Variants in HDAC5 observed in about 807,000 individuals in gnomAD.
HDAC5 encodes the protein antigen NY-CO-9.
In HDAC5, 25 loss-of-function variants were observed where a neutral mutation model predicts 133.3. The ratio of observed to expected loss-of-function variants is 0.19; its 90% confidence interval spans 0.14 to 0.26. The LOEUF (loss-of-function observed/expected upper bound fraction) is 0.26, where lower values mean the gene tolerates loss of function less well. Among genes scored for constraint, HDAC5 ranks in the 10% least tolerant of loss-of-function variants. The pLI is 1.00. For missense variants in HDAC5, 1,041 were observed against 1,460.5 expected (o/e 0.71, Z 4.68); for synonymous variants, 589 against 610.8 (o/e 0.96, Z 0.53).
intron 13 of HDAC5, 27 bp from the exon 14 acceptor site, chr17:44,086,764 G>A: frequency 7.8e-7 from 1 of 1,282,990 alleles, no homozygotes; most frequent in South Asian, 3.7e-5. Flanking sequence ...GAGGGGGCCT[G>A]GGTCAGACTC....
intron 1 of HDAC5, among the ~76,000 whole-genome samples, chr17:44,118,571 G>A (rs986832911): frequency 2.0e-5 from 3 of 152,140 alleles, no homozygotes; most frequent in Non-Finnish European, 2.9e-5. Flanking sequence ...ACAGGACCAC[G>A]GCTTTGCCAA....
chr17:44,099,350 T>C (rs911282078), intron 3 of HDAC5, among the ~76,000 whole-genome samples: 1 of 151,928 alleles, frequency 6.6e-6, no homozygotes, highest in African/African-American at 2.4e-5. Context: ...CTCCTGGGAG[T>C]GGTGGCCTCA....
At position 44,091,799 on chromosome 17, in the gene HDAC5, G is replaced by A; in HGVS notation, c.1065C>T (p.Asp355=). 3 of 1,594,682 alleles carry A rather than the reference G, an allele frequency of 1.9e-6. No homozygotes were observed. The highest frequency in any genetic ancestry group is 2.6e-6 in the Non-Finnish European group (3 of 1,170,652). ...MLPQHRALPL[D]SSPNQFSLYT... is the part of the protein sequence containing the mutation. Reference sequence around the variant, plus strand: ...AGAGGCTGAACTGGTTGGGGGAGCTGTCCAGAGGGAGGGCTCGGTGCTGAG... The same window carrying A: ...AGAGGCTGAACTGGTTGGGGGAGCTATCCAGAGGGAGGGCTCGGTGCTGAG... The change falls in exon 10 of 27, where the codon GAC becomes GAT. Residue 355 remains aspartate, a synonymous_variant. Coordinates refer to ENST00000682912, the MANE Select transcript of HDAC5 (RefSeq NM_005474.5).
intron 7 of HDAC5, 50 bp from the exon 8 acceptor site, chr17:44,092,577 T>C: frequency 6.3e-7 from 1 of 1,582,860 alleles, no homozygotes; most frequent in Non-Finnish European, 8.6e-7. Context: ...AGCACACATC[T>C]GCAGCTGAGC....
At chr17:44,108,519 T>C (rs2052113272) in intron 3 of HDAC5, among the ~76,000 whole-genome samples, 1 of 151,902 alleles carries the variant, frequency 6.6e-6, no homozygotes, top group South Asian at 2.1e-4. Context: ...CCCCTTGGGC[T>C]TGGGAGACCT....
intron 9 of HDAC5, 141 bp from the exon 10 acceptor site, chr17:44,091,972 A>G: frequency 4.6e-6 from 5 of 1,081,378 alleles, no homozygotes; most frequent in Non-Finnish European, 6.6e-6. Context: ...AGACTGAGCC[A>G]TCAGGGCTCT....
intron 2 of HDAC5, among the ~76,000 whole-genome samples, chr17:44,112,694 G>C (rs1172538803): frequency 3.3e-5 from 5 of 152,146 alleles, no homozygotes; most frequent in African/African-American, 4.8e-5. Context: ...GGGGTCTCCT[G>C]CCCTCAGGCT....
At chr17:44,099,471 C>T (rs982549197) in intron 3 of HDAC5, among the ~76,000 whole-genome samples, 7 of 151,108 alleles carry the variant, frequency 4.6e-5, no homozygotes, top group Non-Finnish European at 5.9e-5. Context: ...GTGTGTGTTT[C>T]GTTTTTTCTT....
chr17:44,081,297 T>TAGAGTGC (rs2050377418), intron 20 of HDAC5, among the ~76,000 whole-genome samples: 1 of 152,058 alleles, frequency 6.6e-6, no homozygotes, highest in Admixed American at 6.5e-5. Flanking sequence ...TTGCCCAGGC[T>TAGAGTGC]AGAGTGCAGT....
Position 44,092,808 on chromosome 17 carries a change from TGGGGTGGGG to T in HDAC5, c.642-11_642-3del. The T allele has an allele frequency of 8.5e-6, 2 of 236,672 alleles. No homozygotes were observed. Among genetic ancestry groups the T allele is most frequent in the Non-Finnish European group, 1.4e-5 (2 of 147,676 alleles). 14.7% of individuals were successfully genotyped at this position (236,672 alleles called of 1,614,324 possible). On this transcript the variant is annotated splice_region_variant and splice_polypyrimidine_tract_variant and intron_variant, in intron 6 of 26. Transcript: ENST00000682912. ...TCCAAAGAAGCATGGTGGGCTCCCC[TGGGGTGGGG>T]GGGGGGTGGGGATGGAAGCAGATCT... is the stretch of plus-strand genomic sequence containing the variant.
intron 3 of HDAC5, among the ~76,000 whole-genome samples, chr17:44,097,243 G>A (rs544740656): frequency 4.6e-5 from 7 of 152,396 alleles, no homozygotes; most frequent in Non-Finnish European, 8.8e-5. Flanking sequence ...TGCAGGCAGG[G>A]TGGGGTGGGA....
rs1247328365 is a variant in HDAC5, at chr17:44,108,761, A to C, written c.94+1968T>G. On this transcript the variant is annotated intron_variant, in intron 3 of 26. Coordinates refer to ENST00000682912, the MANE Select transcript of HDAC5 (RefSeq NM_005474.5). The stretch of plus-strand genomic sequence containing the variant: ...TTACATTCCAGAGTCCAAAAAAAAA[A>C]CAAAAAAAAAACAAAAAAAAAACAA... Among the ~76,000 whole-genome samples, 13 of 103,736 alleles carry C rather than the reference A, an allele frequency of 1.3e-4. No individual in the cohort carries two copies. In the East Asian group the frequency reaches 3.2e-3, roughly 26 times the overall value. The allele number at this position is 103,736 out of a possible 152,430, so 68.1% of individuals were successfully genotyped here.
At chr17:44,083,701 C>G (rs1462645383) in intron 17 of HDAC5, 49 bp from the exon 18 acceptor site, 2 of 1,588,308 alleles carry the variant, frequency 1.3e-6, no homozygotes, top group Non-Finnish European at 1.7e-6. Flanking sequence ...AGGGCAAGAA[C>G]AGGGGAGGGC....
intron 3 of HDAC5, among the ~76,000 whole-genome samples, chr17:44,096,465 G>GTT (rs1246136598): frequency 6.8e-6 from 1 of 148,100 alleles, no homozygotes. Flanking sequence ...ACAAGTTTTG[G>GTT]TTTTTTTTTG....
intron 3 of HDAC5, among the ~76,000 whole-genome samples, chr17:44,107,970 G>C (rs1163603332): frequency 1.3e-5 from 2 of 152,162 alleles, no homozygotes; most frequent in Non-Finnish European, 2.9e-5. Context: ...GGGGAATCCA[G>C]GGCCCACATA....
chr17:44,084,840 C>A (rs556952304), intron 15 of HDAC5, among the ~76,000 whole-genome samples, 165 bp from the exon 16 acceptor site: 5 of 152,186 alleles, frequency 3.3e-5, no homozygotes, highest in Admixed American at 1.3e-4. Flanking sequence ...GGATCCCCCC[C>A]ACTCAGCTGG....
In HDAC5 at chr17:44,083,704, G is replaced by C. The variant is rs145918437; in HGVS notation, c.2356-52C>G. On this transcript the variant is annotated intron_variant, in intron 17 of 26. Coordinates refer to ENST00000682912, the MANE Select transcript of HDAC5 (RefSeq NM_005474.5). ...TGTGCCCCCTGCAGGGCAAGAACAG[G>C]GGAGGGCACCTGGACAGTGGGCCAG... 4.1e-4 allele frequency: 647 copies of C among 1,588,920 alleles called. 3 individuals carry two copies. In the African/African-American group the frequency reaches 8.0e-3, roughly 20 times the overall value.
At chr17:44,112,773 A>G (rs781376849) in intron 2 of HDAC5, among the ~76,000 whole-genome samples, 2 of 152,192 alleles carry the variant, frequency 1.3e-5, no homozygotes, top group Non-Finnish European at 2.9e-5. Context: ...TTGACTAGCA[A>G]GATGTATATG....
At chr17:44,110,904 G>A (rs1014339170) in intron 2 of HDAC5, 104 bp from the exon 3 acceptor site, 24 of 977,026 alleles carry the variant, frequency 2.5e-5, no homozygotes, top group East Asian at 1.3e-4. Flanking sequence ...CGCCAGAGGC[G>A]GGGAGCAGAC....
Sources: allele counts gnomAD v4.1 joint callset (sites outside exome capture counted in the v4.1 genomes callset), GRCh38; gene constraint gnomAD v4.1.1; transcripts MANE v1.5; gene names NCBI Gene and HGNC (gene_info 2026-07-23, HGNC 2026-07-21).